TENM1: variants seen among roughly 807,000 people sequenced by gnomAD.
The protein encoded by TENM1 is teneurin transmembrane protein 1.
Under a neutral mutation model 174.8 loss-of-function variants are expected in TENM1, and 35 were observed. That is an observed-to-expected ratio of 0.20 (90% confidence interval 0.15 to 0.27). The LOEUF (loss-of-function observed/expected upper bound fraction) is 0.27. Ranked by LOEUF, TENM1 falls within the 10% of genes least tolerant of loss-of-function variation. TENM1 has a pLI of 1.00. For missense variants in TENM1, 1,633 were observed against 2,130.1 expected (o/e 0.77, Z 4.59); for synonymous variants, 781 against 798.7 (o/e 0.98, Z 0.37).
At chrX:124,727,548 C>T (rs1445849637) in intron 4 of TENM1, among the ~76,000 whole-genome samples, 1 of 111,547 alleles carries the variant, frequency 9.0e-6, no homozygotes, top group Admixed American at 9.5e-5. Context: ...GGAACTATTC[C>T]AGTGCTCTGC....
the TENM1 span, among the ~76,000 whole-genome samples, chrX:125,193,410 G>T: frequency 8.9e-6 from 1 of 111,860 alleles, no homozygotes; most frequent in Admixed American, 9.5e-5. Flanking sequence ...TTTTAGAGAT[G>T]GGGTCTTGCT....
At chrX:125,054,246 C>G in the TENM1 span, among the ~76,000 whole-genome samples, 1 of 110,118 alleles carries the variant, frequency 9.1e-6, no homozygotes, top group African/African-American at 3.3e-5. Context: ...CTCTCTTCCC[C>G]CTGCTCTGGC....
At chrX:124,481,226 T>C (rs761170468) in intron 22 of TENM1, among the ~76,000 whole-genome samples, 3 of 112,248 alleles carry the variant, frequency 2.7e-5, no homozygotes, top group African/African-American at 9.7e-5. Context: ...AGATTCATAA[T>C]TTTGTTAAGC....
At chrX:124,874,875 C>G (rs1040410900) in intron 3 of TENM1, among the ~76,000 whole-genome samples, 5 of 111,603 alleles carry the variant, frequency 4.5e-5, no homozygotes, top group African/African-American at 1.6e-4. Flanking sequence ...TTCCAGTCTT[C>G]TTCCATCCTA....
At chrX:125,180,424 C>T in the TENM1 span, among the ~76,000 whole-genome samples, 3 of 101,137 alleles carry the variant, frequency 3.0e-5, no homozygotes, top group Non-Finnish European at 6.0e-5. Flanking sequence ...GCTTGTAATC[C>T]CAGCAATTTT....
chrX:125,019,301 A>G, the TENM1 span, among the ~76,000 whole-genome samples: 1 of 111,737 alleles, frequency 8.9e-6, no homozygotes, highest in East Asian at 2.8e-4. Flanking sequence ...TTATTTACAA[A>G]TCTGAATTGC....
At chrX:125,039,982 G>T in the TENM1 span, among the ~76,000 whole-genome samples, 1 of 111,404 alleles carries the variant, frequency 9.0e-6, no homozygotes, top group Non-Finnish European at 1.9e-5. Context: ...AAGTTTAATT[G>T]ATCTAATTTA....
chrX:124,739,452 T>C (rs562288919), intron 3 of TENM1, among the ~76,000 whole-genome samples: 35 of 111,513 alleles, frequency 3.1e-4, no homozygotes, highest in African/African-American at 1.1e-3. Context: ...ACTTGGATAC[T>C]TTTTCCTGCC....
the TENM1 span, among the ~76,000 whole-genome samples, chrX:124,977,395 A>G: frequency 8.9e-6 from 1 of 111,735 alleles, no homozygotes; most frequent in Non-Finnish European, 1.9e-5. Context: ...TACTAGATCA[A>G]ATTACTGAAC....
chrX:124,414,257 C>T (rs2239476), intron 25 of TENM1, among the ~76,000 whole-genome samples: 1 of 110,339 alleles, frequency 9.1e-6, no homozygotes, highest in Non-Finnish European at 1.9e-5. Flanking sequence ...AGGGGCCTGA[C>T]GAACCGTCAA....
chrX:125,081,897 C>A, the TENM1 span, among the ~76,000 whole-genome samples: 1 of 110,634 alleles, frequency 9.0e-6, no homozygotes, highest in African/African-American at 3.3e-5. Flanking sequence ...CAGACATAGA[C>A]AAATATTGCA....
rs144404889 is a variant in TENM1 at position 124,836,727 on chromosome X, T to C, written c.535+57569A>G. On this transcript the variant is annotated intron_variant, in intron 3 of 31. Transcript: ENST00000422452. ...GGAAGAGCCCTTGCAAATAACTGAA[T>C]CTCTACATTCTTAGATGATGAAATT... Among the ~76,000 whole-genome samples the C allele has an allele frequency of 3.9e-3, 433 of 112,438 alleles. 2 individuals carry two copies. The highest frequency in any genetic ancestry group is 0.013 in the African/African-American group (417 of 31,030).
intron 11 of TENM1, among the ~76,000 whole-genome samples, chrX:124,601,255 A>G (rs1338565154): frequency 9.0e-6 from 1 of 111,664 alleles, no homozygotes; most frequent in African/African-American, 3.2e-5. Flanking sequence ...TTCAAGTGGG[A>G]GAGACAAAAC....
At chrX:124,880,720 G>A (rs182603013) in intron 3 of TENM1, among the ~76,000 whole-genome samples, 1 of 111,059 alleles carries the variant, frequency 9.0e-6, no homozygotes, top group African/African-American at 3.3e-5. Flanking sequence ...TTTTTTGAGA[G>A]GTTTTTAATT....
rs760987551 is a variant in TENM1 at position 124,395,129 on chromosome X, C to T, written c.5392-2781G>A. 2.7e-5 allele frequency among the ~76,000 whole-genome samples: 3 copies of T among 111,667 alleles called. No individual in the cohort carries two copies. The East Asian group carries it at 8.4e-4, about 31-fold the overall frequency. On this transcript the variant is annotated intron_variant, in intron 27 of 31. Transcript: ENST00000422452. ...TAGCTAGTAGTGGGAGAGGCTATCTCAGTCCATCCTTACTAGCATTGAGTA... is the reference window on the plus strand; with the variant it reads ...TAGCTAGTAGTGGGAGAGGCTATCTTAGTCCATCCTTACTAGCATTGAGTA...
chrX:124,459,092 C>T (rs1300102561), intron 22 of TENM1, among the ~76,000 whole-genome samples: 1 of 110,948 alleles, frequency 9.0e-6, no homozygotes, highest in Non-Finnish European at 1.9e-5. Context: ...TAGTTTGGGG[C>T]AAGTCCAAGG....
Position 124,557,840 on chromosome X carries a change from T to C in TENM1, c.2434+3831A>G, listed in dbSNP as rs2048728712. On this transcript the variant is annotated intron_variant, in intron 14 of 31. Coordinates refer to ENST00000422452, the Ensembl canonical transcript of TENM1. ...CTCAGTTAATATAATGTCCAAACTT[T>C]TTTTCTGATGTTAATTCATATGTGC... 2.7e-5 allele frequency among the ~76,000 whole-genome samples: 3 copies of C among 112,093 alleles called. No individual in the cohort carries two copies. The South Asian group carries it at 1.1e-3, about 41-fold the overall frequency.
chrX:124,662,088 T>C (rs1053155665), intron 6 of TENM1, among the ~76,000 whole-genome samples: 8 of 111,194 alleles, frequency 7.2e-5, no homozygotes, highest in Non-Finnish European at 5.7e-5. Flanking sequence ...GCTGGGACTT[T>C]GGTCTTTTTG....
the TENM1 span, among the ~76,000 whole-genome samples, chrX:125,202,801 C>G: frequency 8.9e-6 from 1 of 112,286 alleles, no homozygotes; most frequent in Non-Finnish European, 1.9e-5. Context: ...CATCCACTCA[C>G]CAAGTAGCGC....
Sources: allele counts gnomAD v4.1 joint callset (sites outside exome capture counted in the v4.1 genomes callset), GRCh38; gene constraint gnomAD v4.1.1; transcripts MANE v1.5; gene names NCBI Gene and HGNC (gene_info 2026-07-23, HGNC 2026-07-21).